The following KLRD1 variants were observed in gnomAD, a reference collection of about 807,000 sequenced individuals.
KLRD1 encodes natural killer cells antigen CD94.
In KLRD1, 21 loss-of-function variants were observed where a neutral mutation model predicts 22.6. That is an observed-to-expected ratio of 0.93 (90% CI 0.66 to 1.34). KLRD1 has a LOEUF of 1.34. Ranked by LOEUF, KLRD1 falls within the 40% of genes most tolerant of loss-of-function variation. KLRD1 has a pLI of 0.00. For missense variants in KLRD1, 183 were observed against 208.6 expected (o/e 0.88, Z 0.76); for synonymous variants, 59 against 71.1 (o/e 0.83, Z 0.85).
At chr12:10,250,227 T>A (rs1283875389) in intron 1 of KLRD1, among the ~76,000 whole-genome samples, 2 of 25,784 alleles carry the variant, frequency 7.8e-5, no homozygotes, top group Non-Finnish European at 1.0e-4. Context: ...TTTTTTTTTT[T>A]AGGGGGGCTG....
At chr12:10,243,142 A>G (rs1223318664) in intron 1 of KLRD1, among the ~76,000 whole-genome samples, 2 of 152,138 alleles carry the variant, frequency 1.3e-5, no homozygotes, top group East Asian at 1.9e-4. Context: ...GATGATGGTC[A>G]TATGGTACAA....
intron 1 of KLRD1, among the ~76,000 whole-genome samples, chr12:10,239,446 C>CTTCCTTAT (rs1949214729): frequency 5.3e-5 from 2 of 37,910 alleles, no homozygotes; most frequent in East Asian, 1.3e-3. Flanking sequence ...TCCTTCCTTC[C>CTTCCTTAT]TTCCTTCCTT....
intron 1 of KLRD1, among the ~76,000 whole-genome samples, chr12:10,296,824 A>G (rs1949826449): frequency 1.3e-5 from 2 of 152,208 alleles, no homozygotes; most frequent in South Asian, 4.1e-4. Flanking sequence ...GGATTCATAC[A>G]TATGTTTCGC....
upstream of KLRD1, among the ~76,000 whole-genome samples, chr12:10,301,458 C>A (rs374843735): frequency 6.6e-6 from 1 of 152,160 alleles, no homozygotes; most frequent in East Asian, 1.9e-4. Flanking sequence ...CTCAAATGTT[C>A]CAACCCCTGC....
chr12:10,277,879 T>C (rs112989972), intron 1 of KLRD1, among the ~76,000 whole-genome samples: 7 of 152,344 alleles, frequency 4.6e-5, no homozygotes, highest in African/African-American at 1.7e-4. Context: ...TCAGAGAATG[T>C]GGACATCTGT....
rs1950229166 is a variant in KLRD1, at chr12:10,316,375, T to C, written c.*1582T>C. On this transcript the variant is annotated 3_prime_UTR_variant, in exon 6 of 6. Coordinates refer to ENST00000336164, the MANE Select transcript of KLRD1 (RefSeq NM_002262.5). ...ATATGTTACAACTGCTACTTCATAG[T>C]TTATGCCACTTATTTTATTTTTTAC... The C allele has an allele frequency of 1.3e-5, 2 of 152,032 alleles. No individual in the cohort carries two copies. Among genetic ancestry groups the C allele is most frequent in the African/African-American group, 4.8e-5 (2 of 41,376 alleles). 9.4% of individuals were successfully genotyped at this position (152,032 alleles called of 1,614,324 possible).
chr12:10,311,330 C>A, intron 3 of KLRD1, 134 bp from the exon 4 acceptor site: 1 of 666,600 alleles, frequency 1.5e-6, no homozygotes, highest in Non-Finnish European at 2.5e-6. Context: ...ATTAGTAGCC[C>A]CTGAAGTGTG....
chr12:10,298,740 G>A (rs909610147), intron 1 of KLRD1, among the ~76,000 whole-genome samples: 12 of 152,194 alleles, frequency 7.9e-5, no homozygotes, highest in East Asian at 1.9e-4. Context: ...CAGACCCATC[G>A]CTTTATTTCA....
intron 1 of KLRD1, among the ~76,000 whole-genome samples, chr12:10,296,502 C>T (rs192915220): frequency 5.9e-5 from 9 of 151,904 alleles, no homozygotes; most frequent in South Asian, 2.1e-4. Flanking sequence ...GGCGACACAG[C>T]GAGACTCCGT....
chr12:10,303,572 T>A (rs1458207734), upstream of KLRD1, among the ~76,000 whole-genome samples: 3 of 152,180 alleles, frequency 2.0e-5, no homozygotes, highest in Non-Finnish European at 4.4e-5. Context: ...AATTTTCCTT[T>A]ACAAAAGGGC....
In KLRD1 at chr12:10,315,213, A is replaced by G; in HGVS notation, c.*420A>G. 1 of 407,584 alleles carries G rather than the reference A, an allele frequency of 2.5e-6. No individual in the cohort carries two copies. The allele number at this position is 407,584 out of a possible 1,614,324, so 25.2% of individuals were successfully genotyped here. Reference sequence around the variant, plus strand: ...AGTGGCAAGATCATAGCTCATTGCAAGCTCAAGTGATCCTCCTGACTCAGC... The same window carrying G: ...AGTGGCAAGATCATAGCTCATTGCAGGCTCAAGTGATCCTCCTGACTCAGC... On this transcript the variant is annotated 3_prime_UTR_variant, in exon 6 of 6. Transcript: ENST00000336164.
rs1317280423 is a variant in KLRD1 at position 10,276,361 on chromosome 12, T to TA, written c.-100-31614dup. 4.6e-5 allele frequency among the ~76,000 whole-genome samples: 7 copies of TA among 152,318 alleles called. No individual in the cohort carries two copies. The East Asian group carries it at 1.3e-3, about 29-fold the overall frequency. On this transcript the variant is annotated intron_variant, in intron 1 of 5. Transcript: ENST00000544747. ...GTCGGTATATGGGTATAAATGTTTA[T>TA]AAATTTCTCTAGGGTAGCCTTTGAC...
intron 1 of KLRD1, among the ~76,000 whole-genome samples, chr12:10,239,518 CCTTTCTTTCTTT>C (rs55671846): frequency 0.068 from 4,010 of 59,062 alleles, 109 homozygotes; most frequent in South Asian, 0.089. Context: ...CCTTCCCTCC[CCTTTCTTTCTTT>C]CTTTCTTTCT....
rs1458129869 is a variant in KLRD1, at chr12:10,322,439, A to C, written c.*7646A>C. ...TATAACCCTTATACAATAAAAAACA[A>C]CTCTTCTGCCAGATTAAAATTTTTT... On this transcript the variant is annotated 3_prime_UTR_variant, in exon 6 of 6. Transcript: ENST00000336164. The C allele has an allele frequency of 3.3e-5, 5 of 152,140 alleles. No homozygotes were observed. Among genetic ancestry groups the C allele is most frequent in the Admixed American group, 2.0e-4 (3 of 15,280 alleles). 9.4% of individuals were successfully genotyped at this position (152,140 alleles called of 1,614,324 possible).
At chr12:10,246,397 T>C (rs2137614228) in intron 1 of KLRD1, among the ~76,000 whole-genome samples, 1 of 152,232 alleles carries the variant, frequency 6.6e-6, no homozygotes, top group African/African-American at 2.4e-5. Context: ...ACATCAGTGA[T>C]AATGCAATGT....
chr12:10,304,418 A>C (rs1051770490), upstream of KLRD1: 2 of 152,008 alleles, frequency 1.3e-5, no homozygotes, highest in Non-Finnish European at 2.9e-5. Context: ...CACAGATTCT[A>C]GTTTTATGCT....
In KLRD1 at chr12:10,317,196, G is replaced by A. The variant is rs1347745623; in HGVS notation, c.*2403G>A. 1 of 152,108 alleles carries A rather than the reference G, an allele frequency of 6.6e-6. No homozygotes were observed. Among genetic ancestry groups the A allele is most frequent in the African/African-American group, 2.4e-5 (1 of 41,412 alleles). 9.4% of individuals were successfully genotyped at this position (152,108 alleles called of 1,614,324 possible). A position where few individuals can be genotyped will look rare whatever the true frequency, so the allele number is the denominator to read the frequency against. ...CCAGTCTATCACTGATGGGCATTTG[G>A]GTTGGTTCCAAGTCTTTGCTATGGT... On this transcript the variant is annotated 3_prime_UTR_variant, in exon 6 of 6. Coordinates refer to ENST00000336164, the MANE Select transcript of KLRD1 (RefSeq NM_002262.5).
chr12:10,242,071 G>GGTTTT (rs1555099166), intron 1 of KLRD1, among the ~76,000 whole-genome samples: 2 of 99,396 alleles, frequency 2.0e-5, no homozygotes, highest in Non-Finnish European at 3.7e-5. Context: ...TGTTCTTGCT[G>GGTTTT]TTTTTTTTTT....
At chr12:10,260,792 A>AG (rs1205873013) in intron 1 of KLRD1, among the ~76,000 whole-genome samples, 1 of 152,092 alleles carries the variant, frequency 6.6e-6, no homozygotes, top group Non-Finnish European at 1.5e-5. Flanking sequence ...ATACAAAAAA[A>AG]TTAGCCGGGT....
Sources: allele counts gnomAD v4.1 joint callset (sites outside exome capture counted in the v4.1 genomes callset), GRCh38; gene constraint gnomAD v4.1.1; transcripts MANE v1.5; gene names NCBI Gene and HGNC (gene_info 2026-07-23, HGNC 2026-07-21).